Variants in SH2D4B observed in about 807,000 individuals in gnomAD.
SH2D4B encodes SH2 domain containing 4B.
SH2D4B carries 45 observed loss-of-function variants against 61.5 expected under a neutral mutation model. The observed-to-expected ratio is 0.73, with a 90% CI of 0.58 to 0.94. The LOEUF is 0.94. SH2D4B is among the 40% of genes least tolerant of loss of function. SH2D4B has a pLI of 0.00. For missense variants in SH2D4B, 572 were observed against 574.2 expected (o/e 1.00, Z 0.04); for synonymous variants, 224 against 220.4 (o/e 1.02, Z -0.14).
At chr10:80,543,218 G>A (rs1229587128) in intron 1 of SH2D4B, among the ~76,000 whole-genome samples, 1 of 152,154 alleles carries the variant, frequency 6.6e-6, no homozygotes, top group Non-Finnish European at 1.5e-5. Context: ...CCCCTTTCTG[G>A]GCTGGCCAAG....
intron 5 of SH2D4B, chr10:80,607,174 G>A (rs944047945): frequency 6.6e-6 from 1 of 152,132 alleles, no homozygotes; most frequent in Non-Finnish European, 1.5e-5. Flanking sequence ...AGAAACAGAG[G>A]GACAAGAGTG....
intron 4 of SH2D4B, among the ~76,000 whole-genome samples, chr10:80,598,819 A>G (rs1237154985): frequency 6.6e-6 from 1 of 151,924 alleles, no homozygotes; most frequent in African/African-American, 2.4e-5. Context: ...GTGGAGTTAG[A>G]TAACATCTAG....
At chr10:80,629,947 G>A (rs1370813670) in intron 6 of SH2D4B, among the ~76,000 whole-genome samples, 9 of 152,302 alleles carry the variant, frequency 5.9e-5, no homozygotes, top group African/African-American at 1.7e-4. Flanking sequence ...AGGCATGGAG[G>A]ATGTAAAGAT....
At chr10:80,631,942 T>C (rs116180570) in intron 6 of SH2D4B, among the ~76,000 whole-genome samples, 2,183 of 152,158 alleles carry the variant, frequency 0.014, 50 homozygotes, top group African/African-American at 0.05. Flanking sequence ...AAGAGAGTTT[T>C]TGTTTGTTTG....
chr10:80,625,420 CCTT>C (rs1157391238), intron 6 of SH2D4B, among the ~76,000 whole-genome samples: 2 of 152,116 alleles, frequency 1.3e-5, no homozygotes, highest in African/African-American at 4.8e-5. Context: ...ATATGCATAT[CCTT>C]CTACACTTTA....
intron 3 of SH2D4B, among the ~76,000 whole-genome samples, chr10:80,586,815 A>G (rs1230156807): frequency 6.6e-6 from 1 of 152,150 alleles, no homozygotes; most frequent in Non-Finnish European, 1.5e-5. Flanking sequence ...CGCTGCCTTT[A>G]TGAGCTGTAA....
At chr10:80,609,316 T>A in intron 5 of SH2D4B, 108 bp from the exon 6 acceptor site, 23 of 550,144 alleles carry the variant, frequency 4.2e-5, no homozygotes, top group East Asian at 1.3e-4. Flanking sequence ...TTCCTCCTCC[T>A]CCTTTTACCT....
At chr10:80,602,556 G>T (rs1842462689) in intron 4 of SH2D4B, among the ~76,000 whole-genome samples, 1 of 152,206 alleles carries the variant, frequency 6.6e-6, no homozygotes, top group South Asian at 2.1e-4. Context: ...AGCTGTTAGA[G>T]TTAGCAGAAG....
chr10:80,622,862 C>T lies in SH2D4B; in HGVS notation c.989-11423C>T, dbSNP rs934468354. On this transcript the variant is annotated intron_variant, in intron 6 of 7. Coordinates refer to ENST00000646907, the MANE Select transcript of SH2D4B (RefSeq NM_001388272.1). ...CCACCATTTGTATTTGGGGTTTTCT[C>T]GGCCCATTTGAGCTGTTATAGCAGA... Among the ~76,000 whole-genome samples the T allele has an allele frequency of 7.2e-5, 11 of 152,278 alleles. No individual in the cohort carries two copies. In the East Asian group the frequency reaches 2.1e-3, roughly 29 times the overall value.
Position 80,570,140 on chromosome 10 carries a change from C to T in SH2D4B, c.185-14C>T. 6.2e-7 allele frequency: 1 copy of T among 1,613,728 alleles called. No individual in the cohort carries two copies. Among genetic ancestry groups the T allele is most frequent in the Non-Finnish European group, 8.5e-7 (1 of 1,179,742 alleles). ...AAATCAAACTTGTTTCTTCTTCCTT[C>T]TTCTATTGTGAAGCAGCGAGTGACA... On this transcript the variant is annotated splice_polypyrimidine_tract_variant and intron_variant, in intron 1 of 7. Transcript: ENST00000646907.
At chr10:80,598,966 C>T (rs561852269) in intron 4 of SH2D4B, among the ~76,000 whole-genome samples, 80 of 152,254 alleles carry the variant, frequency 5.3e-4, no homozygotes, top group African/African-American at 1.8e-3. Flanking sequence ...GACTTGTGTT[C>T]ACCTGTGGCT....
chr10:80,602,535 G>A (rs1345293858), intron 4 of SH2D4B, among the ~76,000 whole-genome samples: 1 of 152,146 alleles, frequency 6.6e-6, no homozygotes, highest in Non-Finnish European at 1.5e-5. Flanking sequence ...GGGGTGTCTT[G>A]GAGTCTCGTA....
chr10:80,572,606 ACTCCC>A (rs1295634471), intron 3 of SH2D4B, among the ~76,000 whole-genome samples: 2 of 149,074 alleles, frequency 1.3e-5, no homozygotes, highest in East Asian at 4.0e-4. Context: ...CCTTCCCTCC[ACTCCC>A]CTCCCCTCCC....
At chr10:80,550,677 G>A (rs1841748643) in intron 1 of SH2D4B, among the ~76,000 whole-genome samples, 1 of 152,208 alleles carries the variant, frequency 6.6e-6, no homozygotes, top group Admixed American at 6.5e-5. Context: ...ATGGTTGTAA[G>A]TACATCCTGA....
chr10:80,633,104 G>C (rs914753271), intron 6 of SH2D4B, among the ~76,000 whole-genome samples: 18 of 151,898 alleles, frequency 1.2e-4, no homozygotes, highest in Admixed American at 3.3e-4. Flanking sequence ...AGAGTGATGG[G>C]AGGGGAGCCT....
chr10:80,605,817 C>A (rs1425322298), intron 5 of SH2D4B, among the ~76,000 whole-genome samples: 1 of 152,214 alleles, frequency 6.6e-6, no homozygotes, highest in Non-Finnish European at 1.5e-5. Flanking sequence ...CCACACCCGA[C>A]CTCTTTTATA....
chr10:80,588,811 A>C, intron 4 of SH2D4B, 34 bp downstream of exon 4: 1 of 1,611,126 alleles, frequency 6.2e-7, no homozygotes, highest in Non-Finnish European at 8.5e-7. Context: ...CAGGGAGACC[A>C]GTCCCGCCTC....
At chr10:80,632,462 A>G (rs1842843246) in intron 6 of SH2D4B, among the ~76,000 whole-genome samples, 1 of 152,242 alleles carries the variant, frequency 6.6e-6, no homozygotes, top group East Asian at 1.9e-4. Flanking sequence ...AAAAAGTTGA[A>G]TCGTATATAA....
chr10:80,541,539 A>G (rs1841578813), intron 1 of SH2D4B, among the ~76,000 whole-genome samples: 1 of 151,978 alleles, frequency 6.6e-6, no homozygotes, highest in African/African-American at 2.4e-5. Flanking sequence ...CTAGAGTGAC[A>G]CTGGGCCTCC....
Sources: allele counts gnomAD v4.1 joint callset (sites outside exome capture counted in the v4.1 genomes callset), GRCh38; gene constraint gnomAD v4.1.1; transcripts MANE v1.5; gene names NCBI Gene and HGNC (gene_info 2026-07-23, HGNC 2026-07-21).